The following TTC29 variants were observed in gnomAD, a reference collection of about 807,000 sequenced individuals.
TTC29 encodes the protein tetratricopeptide repeat protein 29.
A neutral mutation model predicts 58.1 loss-of-function variants in TTC29; 49 were observed. That is an observed-to-expected ratio of 0.84 (90% CI 0.67 to 1.07). The LOEUF is 1.07. TTC29 is among the 50% of genes least tolerant of loss of function. The pLI, the probability that TTC29 is intolerant of heterozygous loss-of-function variation, is 0.00. For missense variants in TTC29, 582 were observed against 555.6 expected, an observed-to-expected ratio of 1.05 and a Z score of -0.48; for synonymous variants, 209 against 196.8, an observed-to-expected ratio of 1.06 and a Z score of -0.52.
intron 8 of TTC29, among the ~76,000 whole-genome samples, chr4:146,857,336 C>CA (rs1256934413): frequency 6.8e-6 from 1 of 148,012 alleles, no homozygotes; most frequent in Non-Finnish European, 1.5e-5. Flanking sequence ...TGAGCCACAA[C>CA]AGTTGGGGGA....
intron 8 of TTC29, among the ~76,000 whole-genome samples, chr4:146,854,166 T>C (rs1220741226): frequency 6.6e-6 from 1 of 152,070 alleles, no homozygotes; most frequent in East Asian, 1.9e-4. Context: ...TTTGCCTGAC[T>C]CCCTGGCTGA....
intron 11 of TTC29, among the ~76,000 whole-genome samples, chr4:146,775,868 G>A (rs998793541): frequency 2.6e-5 from 4 of 152,018 alleles, no homozygotes; most frequent in Admixed American, 1.3e-4. Context: ...TTGCTTTCTC[G>A]CCCTCTCTTT....
At chr4:146,820,775 G>C (rs1044984340) in intron 9 of TTC29, among the ~76,000 whole-genome samples, 1 of 152,216 alleles carries the variant, frequency 6.6e-6, no homozygotes, top group Non-Finnish European at 1.5e-5. Flanking sequence ...GCTCATGCCT[G>C]TAATCCCAGC....
At chr4:146,777,220 G>A (rs1353412099) in intron 11 of TTC29, among the ~76,000 whole-genome samples, 2 of 152,150 alleles carry the variant, frequency 1.3e-5, no homozygotes, top group Admixed American at 1.3e-4. Context: ...GGGAAAAACC[G>A]CAATTGCTTT....
At chr4:146,860,230 T>A (rs1730138314) in intron 8 of TTC29, among the ~76,000 whole-genome samples, 1 of 152,128 alleles carries the variant, frequency 6.6e-6, no homozygotes, top group Non-Finnish European at 1.5e-5. Flanking sequence ...CCCAAAACTT[T>A]CTGTCAGCTA....
chr4:146,930,999 C>A (rs536897888), intron 4 of TTC29, among the ~76,000 whole-genome samples: 1 of 152,140 alleles, frequency 6.6e-6, no homozygotes, highest in African/African-American at 2.4e-5. Flanking sequence ...TCTAAAACTG[C>A]GAGTTTATCT....
chr4:146,795,336 T>C (rs570988500), intron 11 of TTC29, among the ~76,000 whole-genome samples: 4 of 152,288 alleles, frequency 2.6e-5, no homozygotes, highest in Admixed American at 2.6e-4. Context: ...ATGCTACTAC[T>C]TCTTGTCATT....
At chr4:146,752,975 C>A (rs1253504726) in intron 11 of TTC29, among the ~76,000 whole-genome samples, 2 of 152,178 alleles carry the variant, frequency 1.3e-5, no homozygotes, top group Non-Finnish European at 2.9e-5. Context: ...CAATACCATT[C>A]AGGACATAGG....
At chr4:146,925,122 C>G (rs1261447769) in intron 4 of TTC29, among the ~76,000 whole-genome samples, 2 of 151,916 alleles carry the variant, frequency 1.3e-5, no homozygotes, top group Non-Finnish European at 2.9e-5. Context: ...GTTTTATGGC[C>G]CAGACTATAA....
At chr4:146,713,921 TTTC>T (rs1193352913) in intron 11 of TTC29, among the ~76,000 whole-genome samples, 2 of 152,194 alleles carry the variant, frequency 1.3e-5, no homozygotes, top group African/African-American at 4.8e-5. Flanking sequence ...CACTAAATAC[TTTC>T]TTAAGATAAA....
At chr4:146,750,633 G>A (rs888944907) in intron 11 of TTC29, among the ~76,000 whole-genome samples, 3 of 152,168 alleles carry the variant, frequency 2.0e-5, no homozygotes, top group Non-Finnish European at 4.4e-5. Context: ...GTATGCAACA[G>A]AGGTTAAATT....
At chr4:146,856,516 A>G (rs932222915) in intron 8 of TTC29, among the ~76,000 whole-genome samples, 1 of 151,896 alleles carries the variant, frequency 6.6e-6, no homozygotes, top group Non-Finnish European at 1.5e-5. Flanking sequence ...GTAAATTATT[A>G]CCAAACAGAT....
At chr4:146,738,785 T>C (rs1744907789) in intron 11 of TTC29, among the ~76,000 whole-genome samples, 1 of 152,098 alleles carries the variant, frequency 6.6e-6, no homozygotes, top group Admixed American at 6.5e-5. Context: ...TCCTACCTTA[T>C]ACTCTGGGGG....
chr4:146,838,442 A>T (rs1728650363), intron 8 of TTC29, among the ~76,000 whole-genome samples: 1 of 152,066 alleles, frequency 6.6e-6, no homozygotes, highest in Non-Finnish European at 1.5e-5. Context: ...GAAAGTAGAA[A>T]AATATCCTTG....
rs974925399 is a variant in TTC29, at chr4:146,854,134, C to T, written c.885+13364G>A. Among the ~76,000 whole-genome samples the T allele has an allele frequency of 1.1e-4, 16 of 152,144 alleles. 1 individual carries two copies. The highest frequency in any genetic ancestry group is 1.4e-4 in the African/African-American group (6 of 41,454). The stretch of plus-strand genomic sequence containing the variant: ...CACAGTAATAACTGGCTTGGCAATA[C>T]ACCTTTTCTTGGCTTCCTTCTTTTG... On this transcript the variant is annotated intron_variant, in intron 8 of 12. Transcript: ENST00000325106.
rs199690975 is a variant in TTC29 at position 146,869,668 on chromosome 4, C to CTGATA, written c.800-2090_800-2086dup. Among the ~76,000 whole-genome samples, 1,371 of 152,152 alleles carry CTGATA rather than the reference C, an allele frequency of 9.0e-3. 14 individuals carry two copies. Among genetic ancestry groups the CTGATA allele is most frequent in the Non-Finnish European group, 0.014 (918 of 67,990 alleles). On this transcript the variant is annotated intron_variant, in intron 7 of 12. Coordinates refer to ENST00000325106, the MANE Select transcript of TTC29 (RefSeq NM_031956.4). ...GTTAAAGCACTAGCAACTGGCCGGG[C>CTGATA]TGATATGGCACCATCATCTGCATCT...
At chr4:146,836,972 A>C (rs1728553125) in intron 8 of TTC29, among the ~76,000 whole-genome samples, 1 of 152,110 alleles carries the variant, frequency 6.6e-6, no homozygotes, top group Admixed American at 6.6e-5. Context: ...ACTACCATTC[A>C]ACCCAGCAAT....
At chr4:146,883,613 C>T (rs1008889187) in intron 6 of TTC29, among the ~76,000 whole-genome samples, 2 of 152,008 alleles carry the variant, frequency 1.3e-5, no homozygotes, top group African/African-American at 4.8e-5. Context: ...GGGGCAGTGC[C>T]TCTTCCTAGA....
intron 11 of TTC29, among the ~76,000 whole-genome samples, chr4:146,736,312 A>T (rs1468245543): frequency 2.0e-5 from 3 of 152,162 alleles, no homozygotes; most frequent in Non-Finnish European, 4.4e-5. Flanking sequence ...CAACAAAAAA[A>T]TAAGGGCTGA....
Sources: allele counts gnomAD v4.1 joint callset (sites outside exome capture counted in the v4.1 genomes callset), GRCh38; gene constraint gnomAD v4.1.1; transcripts MANE v1.5; gene names NCBI Gene and HGNC (gene_info 2026-07-23, HGNC 2026-07-21).